Variants in TAPT1 observed in about 807,000 individuals in gnomAD.
TAPT1 encodes transmembrane anterior posterior transformation protein 1 homolog.
In TAPT1, 28 loss-of-function variants were observed where a neutral mutation model predicts 65.6. The observed-to-expected ratio is 0.43, with a 90% CI of 0.32 to 0.59. TAPT1 has a LOEUF of 0.59. Ranked by LOEUF, TAPT1 falls within the 20% of genes least tolerant of loss-of-function variation. TAPT1 has a pLI of 0.09. For synonymous variants in TAPT1, 278 were observed against 245.2 expected (o/e 1.13, Z -1.25); for missense variants, 563 against 679.9 (o/e 0.83, Z 1.91).
chr4:16,179,549 A>C, intron 8 of TAPT1, 28 bp downstream of exon 8: 2 of 1,360,884 alleles, frequency 1.5e-6, no homozygotes, highest in South Asian at 2.8e-5. Context: ...TAAAATTATA[A>C]GACACTGTTT....
chr4:16,171,890 C>A (rs1410679180), intron 11 of TAPT1, among the ~76,000 whole-genome samples: 1 of 152,096 alleles, frequency 6.6e-6, no homozygotes, highest in Admixed American at 6.5e-5. Context: ...CACATTTTTT[C>A]TTCCTTTTTT....
intron 3 of TAPT1, among the ~76,000 whole-genome samples, chr4:16,191,880 T>C (rs1045691706): frequency 6.6e-6 from 1 of 152,226 alleles, no homozygotes; most frequent in Non-Finnish European, 1.5e-5. Context: ...GCCTGCTGGA[T>C]CAGCCCTTTT....
At chr4:16,168,597 A>G (rs1188103213) in intron 12 of TAPT1, among the ~76,000 whole-genome samples, 1 of 152,222 alleles carries the variant, frequency 6.6e-6, no homozygotes. Context: ...AGCTCACCAG[A>G]GAGGCCTGCC....
At chr4:16,217,254 T>C (rs1750993702) in intron 1 of TAPT1, among the ~76,000 whole-genome samples, 1 of 152,186 alleles carries the variant, frequency 6.6e-6, no homozygotes, top group Admixed American at 6.5e-5. Flanking sequence ...TCATTCACCT[T>C]TGCATCACTG....
intron 3 of TAPT1, among the ~76,000 whole-genome samples, chr4:16,195,031 A>C (rs1157315925): frequency 6.6e-6 from 1 of 152,038 alleles, no homozygotes; most frequent in Non-Finnish European, 1.5e-5. Flanking sequence ...CGTGCCCGAT[A>C]AGGGTCTTGT....
intron 12 of TAPT1, among the ~76,000 whole-genome samples, chr4:16,168,443 G>C (rs1299246890): frequency 6.6e-6 from 1 of 152,148 alleles, no homozygotes; most frequent in Non-Finnish European, 1.5e-5. Flanking sequence ...CCGTCCCCGG[G>C]CCCTCCTCCC....
chr4:16,172,888 G>A (rs1372573547), intron 11 of TAPT1, among the ~76,000 whole-genome samples: 3 of 151,880 alleles, frequency 2.0e-5, no homozygotes, highest in African/African-American at 4.8e-5. Flanking sequence ...GCAGTGACGC[G>A]ATCTCGGCTT....
chr4:16,214,939 C>A (rs1029178726), intron 1 of TAPT1, among the ~76,000 whole-genome samples: 1 of 152,140 alleles, frequency 6.6e-6, no homozygotes, highest in South Asian at 2.1e-4. Flanking sequence ...TAAGGAGTTG[C>A]ACCTTCTAGG....
In TAPT1 at chr4:16,226,380, G is replaced by C; in HGVS notation, c.78C>G (p.Arg26=). The C allele has an allele frequency of 9.1e-7, 1 of 1,104,142 alleles. No individual in the cohort carries two copies. Among genetic ancestry groups the C allele is most frequent in the Non-Finnish European group, 1.1e-6 (1 of 907,566 alleles). The allele number at this position is 1,104,142 out of a possible 1,614,324, so 68.4% of individuals were successfully genotyped here. ...TGCCGCCCGGCTGCTCCGCCTCGCC[G>C]CGGCCGTCCCGCTGCGGGCCGTCCA... ...GGVDGPQRDG[R]GEAEQPGGSG... Residue 26 remains arginine (R), a synonymous_variant, in exon 1 of 14, where the codon CGC becomes CGG. Transcript: ENST00000405303.
chr4:16,191,877 G>A (rs1749396136), intron 3 of TAPT1, among the ~76,000 whole-genome samples: 1 of 152,198 alleles, frequency 6.6e-6, no homozygotes, highest in Non-Finnish European at 1.5e-5. Flanking sequence ...ATAGCCTGCT[G>A]GATCAGCCCT....
At chr4:16,188,541 G>A (rs895296139) in intron 4 of TAPT1, among the ~76,000 whole-genome samples, 186 bp from the exon 5 acceptor site, 10 of 152,090 alleles carry the variant, frequency 6.6e-5, no homozygotes, top group African/African-American at 1.9e-4. Flanking sequence ...AAATAGTAAC[G>A]GCTAAAATAT....
intron 1 of TAPT1, among the ~76,000 whole-genome samples, chr4:16,224,612 GAACAAGGACTACC>G (rs1322763994): frequency 6.6e-6 from 1 of 152,188 alleles, no homozygotes; most frequent in Admixed American, 6.5e-5. Context: ...ACTGGGGAAA[GAACAAGGACTACC>G]CCAACAGCTA....
At chr4:16,226,632 T>C (rs1392762048), upstream of TAPT1, 9 of 218,632 alleles carry the variant, frequency 4.1e-5, no homozygotes, top group South Asian at 4.5e-4. Context: ...GTGAGGCCGC[T>C]GCCGCCGCCG....
intron 2 of TAPT1, among the ~76,000 whole-genome samples, chr4:16,206,706 A>T (rs187622955): frequency 3.9e-5 from 6 of 152,178 alleles, no homozygotes; most frequent in Non-Finnish European, 8.8e-5. Context: ...CAGCAGCCTG[A>T]CATAGGACAA....
At chr4:16,180,296 G>C (rs953411543) in intron 7 of TAPT1, among the ~76,000 whole-genome samples, 2 of 152,192 alleles carry the variant, frequency 1.3e-5, no homozygotes, top group African/African-American at 2.4e-5. Context: ...TCTTGCTAAA[G>C]GCCAGTGTAC....
chr4:16,220,063 G>A (rs1426495192), intron 1 of TAPT1, among the ~76,000 whole-genome samples: 1 of 152,166 alleles, frequency 6.6e-6, no homozygotes, highest in Admixed American at 6.5e-5. Flanking sequence ...TTCCCAGAGC[G>A]CCACTCAATC....
rs1329785473 is a variant in TAPT1, at chr4:16,162,937, C to T, written c.*371G>A. On this transcript the variant is annotated 3_prime_UTR_variant, in exon 14 of 14. Transcript: ENST00000405303. Reference sequence around the variant, plus strand: ...TCGTGGTAAAAGTTTCACAGTTTTCCAGGTATTTCCTTATACTGAAGAGGC... The same window carrying T: ...TCGTGGTAAAAGTTTCACAGTTTTCTAGGTATTTCCTTATACTGAAGAGGC... 9.1e-6 allele frequency: 4 copies of T among 440,244 alleles called. No individual in the cohort carries two copies. Among genetic ancestry groups the T allele is most frequent in the Non-Finnish European group, 1.9e-5 (4 of 215,084 alleles). The allele number at this position is 440,244 out of a possible 1,614,324, so 27.3% of individuals were successfully genotyped here. A position where few individuals can be genotyped will look rare whatever the true frequency, so the allele number is the denominator to read the frequency against.
Position 16,179,496 on chromosome 4 carries a change from T to C in TAPT1, c.997+81A>G, listed in dbSNP as rs931688095. ...CAAAGTCTTTTGGAGTTTTCTGCAA[T>C]ATTCATTTTATTCCATGTAAAAGAA... On this transcript the variant is annotated intron_variant, in intron 8 of 13. Transcript: ENST00000405303. 1.6e-5 allele frequency: 13 copies of C among 824,544 alleles called. No individual in the cohort carries two copies. The African/African-American group carries it at 2.3e-4, about 15-fold the overall frequency. The allele number at this position is 824,544 out of a possible 1,614,324, so 51.1% of individuals were successfully genotyped here. A position where few individuals can be genotyped will look rare whatever the true frequency, so the allele number is the denominator to read the frequency against.
intron 12 of TAPT1, among the ~76,000 whole-genome samples, chr4:16,167,435 ACACC>A (rs1251599476): frequency 1.3e-5 from 2 of 152,234 alleles, no homozygotes; most frequent in African/African-American, 4.8e-5. Context: ...ACATGATTCC[ACACC>A]CTTATGATAA....
Sources: allele counts gnomAD v4.1 joint callset (sites outside exome capture counted in the v4.1 genomes callset), GRCh38; gene constraint gnomAD v4.1.1; transcripts MANE v1.5; gene names NCBI Gene and HGNC (gene_info 2026-07-23, HGNC 2026-07-21).